The following RARB variants were observed in gnomAD, a reference collection of about 807,000 sequenced individuals.
The protein encoded by RARB is retinoic acid receptor beta.
A neutral mutation model predicts 51.9 loss-of-function variants in RARB; 17 were observed. The ratio of observed to expected loss-of-function variants is 0.33; its 90% CI spans 0.22 to 0.49. The LOEUF is 0.49. Ranked by LOEUF, RARB falls within the 20% of genes least tolerant of loss-of-function variation. RARB has a pLI of 0.99. For missense variants in RARB, 369 were observed against 550.8 expected, an observed-to-expected ratio of 0.67 and a Z score of 3.30; for synonymous variants, 215 against 195.4, an observed-to-expected ratio of 1.10 and a Z score of -0.84.
intron 5 of RARB, among the ~76,000 whole-genome samples, chr3:25,416,085 C>T (rs1365643974): frequency 6.6e-6 from 1 of 152,164 alleles, no homozygotes; most frequent in Non-Finnish European, 1.5e-5. Context: ...AAAGATGCAA[C>T]AAGGCATGCC....
chr3:25,468,015 G>A (rs1200803446), intron 2 of RARB, among the ~76,000 whole-genome samples: 1 of 152,094 alleles, frequency 6.6e-6, no homozygotes, highest in Non-Finnish European at 1.5e-5. Context: ...ATGTGATGGG[G>A]GTCAGGTGGG....
At chr3:25,262,262 T>G (rs1173239598) in intron 5 of RARB, among the ~76,000 whole-genome samples, 3 of 152,078 alleles carry the variant, frequency 2.0e-5, no homozygotes, top group African/African-American at 7.2e-5. Flanking sequence ...TAATGACTAT[T>G]CTCCCTCTAA....
intron 5 of RARB, chr3:25,260,101 G>A: frequency 1.5e-6 from 1 of 681,508 alleles, no homozygotes; most frequent in Non-Finnish European, 1.8e-6. Flanking sequence ...TTTCAGCTTT[G>A]TTTGTTGTTT....
At chr3:25,027,257 G>A (rs1235020348) in intron 2 of RARB, among the ~76,000 whole-genome samples, 1 of 152,164 alleles carries the variant, frequency 6.6e-6, no homozygotes, top group Non-Finnish European at 1.5e-5. Flanking sequence ...TTTGGAAGGG[G>A]GAGCGAGTTT....
At chr3:25,292,660 C>T (rs1416892102) in intron 5 of RARB, among the ~76,000 whole-genome samples, 1 of 152,110 alleles carries the variant, frequency 6.6e-6, no homozygotes, top group Non-Finnish European at 1.5e-5. Context: ...TTTCTTAATC[C>T]TCAGAAACCA....
chr3:25,212,600 G>C (rs995452271), intron 5 of RARB, among the ~76,000 whole-genome samples: 30 of 152,290 alleles, frequency 2.0e-4, no homozygotes, highest in African/African-American at 7.2e-4. Flanking sequence ...CCTGGCAACA[G>C]AGCTAGACTC....
chr3:24,980,139 C>T (rs1460263176), intron 2 of RARB, among the ~76,000 whole-genome samples: 3 of 152,220 alleles, frequency 2.0e-5, no homozygotes, highest in Admixed American at 1.3e-4. Context: ...AAGAGATCTG[C>T]TGTTACACTG....
chr3:25,412,483 T>A (rs1005141095), intron 5 of RARB, among the ~76,000 whole-genome samples: 4 of 152,178 alleles, frequency 2.6e-5, no homozygotes, highest in African/African-American at 9.7e-5. Context: ...TGTTGAGAGC[T>A]CCTTCCATTC....
Position 25,503,703 on chromosome 3 carries a change from A to C in RARB, c.448+2380A>C, listed in dbSNP as rs377531529. On this transcript the variant is annotated intron_variant, in intron 3 of 7. Transcript: ENST00000330688. Reference sequence around the variant, plus strand: ...GGAAAGAAATAAACACTTGGAATGTAGAGATTGAGAGTCTAATTGGATATT... The same window carrying C: ...GGAAAGAAATAAACACTTGGAATGTCGAGATTGAGAGTCTAATTGGATATT... 2.6e-5 allele frequency among the ~76,000 whole-genome samples: 4 copies of C among 152,230 alleles called. No individual in the cohort carries two copies. In the East Asian group the frequency reaches 7.7e-4, roughly 29 times the overall value.
At chr3:24,879,469 G>T (rs1274601913) in intron 2 of RARB, among the ~76,000 whole-genome samples, 2 of 144,536 alleles carry the variant, frequency 1.4e-5, no homozygotes, top group African/African-American at 5.1e-5. Context: ...TTGAGTTCCA[G>T]CAGAAAGGAT....
intron 2 of RARB, among the ~76,000 whole-genome samples, chr3:25,016,671 G>T (rs1216869976): frequency 2.0e-5 from 3 of 152,110 alleles, no homozygotes; most frequent in African/African-American, 7.2e-5. Context: ...TTTCCATTGT[G>T]ACACCCCTCA....
At chr3:25,130,824 A>C (rs1374260049) in intron 3 of RARB, among the ~76,000 whole-genome samples, 3 of 150,830 alleles carry the variant, frequency 2.0e-5, no homozygotes, top group Non-Finnish European at 2.9e-5. Context: ...TGAATTAATG[A>C]ATTGTTCATC....
At chr3:25,466,657 C>T (rs1695446063) in intron 2 of RARB, among the ~76,000 whole-genome samples, 1 of 152,114 alleles carries the variant, frequency 6.6e-6, no homozygotes, top group Non-Finnish European at 1.5e-5. Context: ...ACATTAAGAC[C>T]CTACTACTCC....
intron 3 of RARB, among the ~76,000 whole-genome samples, chr3:25,519,731 AG>A (rs1316083124): frequency 1.3e-5 from 2 of 152,328 alleles, no homozygotes; most frequent in East Asian, 1.9e-4. Flanking sequence ...ATTAAAAAAA[AG>A]AAAAGCTACT....
At chr3:24,953,537 A>C (rs1464734133) in intron 2 of RARB, among the ~76,000 whole-genome samples, 1 of 152,168 alleles carries the variant, frequency 6.6e-6, no homozygotes, top group Non-Finnish European at 1.5e-5. Flanking sequence ...CATGAACTCA[A>C]AGCTTGGCTC....
chr3:24,956,514 G>T (rs916763971), intron 2 of RARB, among the ~76,000 whole-genome samples: 4 of 152,094 alleles, frequency 2.6e-5, no homozygotes, highest in Admixed American at 6.6e-5. Flanking sequence ...CAAACATTCT[G>T]CCTGGCTCTG....
intron 5 of RARB, among the ~76,000 whole-genome samples, chr3:25,298,266 C>T (rs935589810): frequency 4.0e-5 from 6 of 151,346 alleles, no homozygotes; most frequent in African/African-American, 1.5e-4. Context: ...CACTGCAACC[C>T]TTGCCTCCCG....
intron 5 of RARB, among the ~76,000 whole-genome samples, chr3:25,308,023 T>A (rs1254084249): frequency 6.6e-6 from 1 of 152,222 alleles, no homozygotes; most frequent in South Asian, 2.1e-4. Flanking sequence ...TGCCAATCCC[T>A]GCCCTGTAGG....
chr3:25,372,856 A>C (rs1409899256), intron 5 of RARB, among the ~76,000 whole-genome samples: 6 of 152,172 alleles, frequency 3.9e-5, no homozygotes, highest in Non-Finnish European at 8.8e-5. Context: ...ACGTAAACTT[A>C]AAAAATTTTT....
Sources: allele counts gnomAD v4.1 joint callset (sites outside exome capture counted in the v4.1 genomes callset), GRCh38; gene constraint gnomAD v4.1.1; transcripts MANE v1.5; gene names NCBI Gene and HGNC (gene_info 2026-07-23, HGNC 2026-07-21).